KLHL14: variants seen among roughly 807,000 people sequenced by gnomAD.
KLHL14 encodes the protein kelch-like protein 14.
Under a neutral mutation model 64.3 loss-of-function variants are expected in KLHL14, and 22 were observed. That is an observed-to-expected ratio of 0.34 (90% CI 0.24 to 0.49). The LOEUF is 0.49. KLHL14 is among the 20% of genes least tolerant of loss of function. The pLI is 0.99. For synonymous variants in KLHL14, 322 were observed against 333.4 expected (o/e 0.97, Z 0.37); for missense variants, 661 against 789.0 (o/e 0.84, Z 1.94).
intron 4 of KLHL14, among the ~76,000 whole-genome samples, chr18:32,687,498 C>T (rs1342153178): frequency 1.3e-5 from 2 of 152,154 alleles, no homozygotes; most frequent in Non-Finnish European, 2.9e-5. Flanking sequence ...AAAGCAACTA[C>T]ATTTACCAAA....
chr18:32,694,857 T>A (rs187267634), intron 4 of KLHL14, among the ~76,000 whole-genome samples: 16 of 152,322 alleles, frequency 1.1e-4, no homozygotes, highest in Non-Finnish European at 7.4e-5. Flanking sequence ...GCCACAGGGT[T>A]CTTGTGTTCG....
At chr18:32,730,771 A>C (rs1314206188) in intron 3 of KLHL14, among the ~76,000 whole-genome samples, 1 of 152,252 alleles carries the variant, frequency 6.6e-6, no homozygotes, top group Non-Finnish European at 1.5e-5. Context: ...AAATGTGGGA[A>C]CATTATGGTC....
At chr18:32,679,809 A>G (rs886266366) in intron 7 of KLHL14, among the ~76,000 whole-genome samples, 1 of 152,134 alleles carries the variant, frequency 6.6e-6, no homozygotes, top group Non-Finnish European at 1.5e-5. Flanking sequence ...GCAGAAAACA[A>G]TTTTCTGGAA....
intron 3 of KLHL14, among the ~76,000 whole-genome samples, chr18:32,698,120 T>C (rs973415226): frequency 6.6e-6 from 1 of 152,204 alleles, no homozygotes; most frequent in Non-Finnish European, 1.5e-5. Flanking sequence ...TGACTTCTGA[T>C]TAAGCCCAAA....
chr18:32,770,907 G>A lies in KLHL14; in HGVS notation c.-43-273C>T. On this transcript the variant is annotated intron_variant, in intron 1 of 8. Coordinates refer to ENST00000359358, the MANE Select transcript of KLHL14 (RefSeq NM_020805.3). This position sits in a 1 kb window ranked among gnomAD's most constrained non-coding sequence, Gnocchi z 6.7. Reference sequence around the variant, plus strand: ...CCTCTCGCCACCTCCCACACACTTCGTCCCTCACTTTCCTAAAACCAACCA... The same window carrying A: ...CCTCTCGCCACCTCCCACACACTTCATCCCTCACTTTCCTAAAACCAACCA... 2.1e-6 allele frequency: 1 copy of A among 477,484 alleles called. No homozygotes were observed. The highest frequency in any genetic ancestry group is 3.9e-6 in the Non-Finnish European group (1 of 258,042). 29.6% of individuals were successfully genotyped at this position (477,484 alleles called of 1,614,324 possible).
chr18:32,758,991 T>TG (rs1440216054), intron 2 of KLHL14, among the ~76,000 whole-genome samples: 2 of 152,136 alleles, frequency 1.3e-5, no homozygotes, highest in African/African-American at 4.8e-5. Context: ...TATGGGTTTT[T>TG]GGGGGAGGGA....
chr18:32,684,958 C>T (rs1416480538), intron 5 of KLHL14, among the ~76,000 whole-genome samples: 4 of 152,138 alleles, frequency 2.6e-5, no homozygotes, highest in South Asian at 4.2e-4. Flanking sequence ...GCAAGATTGA[C>T]GGGGCATTTG....
In KLHL14 at chr18:32,680,222, G is replaced by T; in HGVS notation, c.1535C>A (p.Thr512Asn). ...QDMNTKRAIH[T>N]LAVMNDRLYA... ...CAAGCGATCATTCATTACAGCCAAA[G>T]TGTGAATTGCACGTTTTGTGTTCAT... The change falls in exon 7 of 9, where the codon ACT (threonine) becomes AAT (asparagine). Residue 512 changes from threonine (T) to asparagine (N), a missense_variant. By Grantham distance (65) the Thr-to-Asn change is moderately conservative (BLOSUM62 0). This residue lies in a region of KLHL14 where 330 missense variants were observed against 450.0 expected (regional missense o/e 0.73). Coordinates refer to ENST00000359358, the MANE Select transcript of KLHL14 (RefSeq NM_020805.3). This position sits in a 1 kb window ranked among gnomAD's most constrained non-coding sequence, Gnocchi z 4.8. 3 of 1,613,840 alleles carry T rather than the reference G, an allele frequency of 1.9e-6. No individual in the cohort carries two copies. Among genetic ancestry groups the T allele is most frequent in the Non-Finnish European group, 8.5e-7 (1 of 1,179,832 alleles).
At chr18:32,715,086 T>C (rs1381377395) in intron 3 of KLHL14, among the ~76,000 whole-genome samples, 1 of 152,168 alleles carries the variant, frequency 6.6e-6, no homozygotes, top group Non-Finnish European at 1.5e-5. Context: ...GAAACTCATA[T>C]GTACAGACAC....
In KLHL14 at chr18:32,693,413, C is replaced by CACACACACACAGAG. The variant is rs1229737083; in HGVS notation, c.1159+2049_1159+2050insCTCTGTGTGTGTGT. 9.0e-4 allele frequency among the ~76,000 whole-genome samples: 87 copies of CACACACACACAGAG among 97,022 alleles called. 1 individual carries two copies. The highest frequency in any genetic ancestry group is 3.9e-3 in the African/African-American group (81 of 20,668). 63.7% of individuals were successfully genotyped at this position (97,022 alleles called of 152,430 possible). ...ACACACACACACACACACACACACA[C>CACACACACACAGAG]AGAGAGAGAGAGAGAGAGAGAGAGA... is the stretch of plus-strand genomic sequence containing the variant. On this transcript the variant is annotated intron_variant, in intron 4 of 8. Coordinates refer to ENST00000359358, the MANE Select transcript of KLHL14 (RefSeq NM_020805.3).
chr18:32,764,136 C>T (rs1461147605), intron 2 of KLHL14, among the ~76,000 whole-genome samples: 6 of 152,106 alleles, frequency 3.9e-5, no homozygotes, highest in Non-Finnish European at 8.8e-5. Context: ...AATATGTGCC[C>T]GTTAACCTCA....
intron 2 of KLHL14, among the ~76,000 whole-genome samples, chr18:32,761,720 A>G (rs1448534331): frequency 6.6e-6 from 1 of 152,198 alleles, no homozygotes; most frequent in African/African-American, 2.4e-5. Flanking sequence ...AATTGCATGC[A>G]GTCAGAAATG....
At chr18:32,734,326 T>A in intron 3 of KLHL14, 1 of 684,426 alleles carries the variant, frequency 1.5e-6, no homozygotes, top group Non-Finnish European at 2.7e-6. Flanking sequence ...GCATCCATGA[T>A]GGAGATGCAT....
intron 2 of KLHL14, among the ~76,000 whole-genome samples, chr18:32,758,638 G>C (rs958759739): frequency 1.3e-5 from 2 of 152,150 alleles, no homozygotes; most frequent in Non-Finnish European, 2.9e-5. Flanking sequence ...CAAAAAACTT[G>C]TATAGGAATG....
chr18:32,747,496 C>G (rs2050229522), intron 2 of KLHL14, among the ~76,000 whole-genome samples: 1 of 152,160 alleles, frequency 6.6e-6, no homozygotes, highest in Admixed American at 6.5e-5. Flanking sequence ...CAAGCTACTT[C>G]CCTCACATGT....
intron 2 of KLHL14, among the ~76,000 whole-genome samples, chr18:32,750,660 C>T (rs2050246632): frequency 1.3e-5 from 2 of 152,164 alleles, no homozygotes; most frequent in Non-Finnish European, 2.9e-5. Flanking sequence ...ATATTCAAGT[C>T]ACCGAATTTC....
intron 3 of KLHL14, among the ~76,000 whole-genome samples, chr18:32,724,240 T>C (rs1358259287): frequency 6.6e-6 from 1 of 152,192 alleles, no homozygotes; most frequent in East Asian, 1.9e-4. Context: ...TTCTCATATG[T>C]CAAATAGTGA....
At chr18:32,741,789 G>A (rs11081780) in intron 3 of KLHL14, 139 bp downstream of exon 3, 3 of 1,014,262 alleles carry the variant, frequency 3.0e-6, no homozygotes, top group Non-Finnish European at 4.1e-6. Flanking sequence ...CTAAATCCCC[G>A]GTGATACATA....
At position 32,769,899 on chromosome 18, in the gene KLHL14, G is replaced by T. The variant is rs147661052; in HGVS notation, c.693C>A (p.Pro231=). Residue 231 remains proline (P), a synonymous_variant, in exon 2 of 9, where the codon CCC becomes CCA. Coordinates refer to ENST00000359358, the MANE Select transcript of KLHL14 (RefSeq NM_020805.3). ...GGAAGAGCGCCAGCTCCGACTCCAC[G>T]GGGGGCGGCAGCGAGTCCAGCAGGG... ...MRALLDSLPP[P]VESELALFQM... 9 of 1,613,936 alleles carry T rather than the reference G, an allele frequency of 5.6e-6. No homozygotes were observed. In the African/African-American group the frequency reaches 1.1e-4, roughly 19 times the overall value.
Sources: allele counts gnomAD v4.1 joint callset (sites outside exome capture counted in the v4.1 genomes callset), GRCh38; gene constraint gnomAD v4.1.1; regional missense constraint gnomAD v4.1.1; non-coding constraint Gnocchi (gnomAD v3.1); transcripts MANE v1.5; gene names NCBI Gene and HGNC (gene_info 2026-07-23, HGNC 2026-07-21).